The following TAF9B variants were observed in gnomAD, a reference collection of about 807,000 sequenced individuals.
The protein encoded by TAF9B is transcription initiation factor TFIID subunit 9B.
TAF9B carries 47 observed loss-of-function variants against 17.6 expected under a neutral mutation model. The ratio of observed to expected loss-of-function variants is 2.68; its 90% CI spans 2.12 to 3.41. TAF9B has a LOEUF of 3.41. Among genes scored for constraint, TAF9B ranks in the 30% most tolerant of loss-of-function variants. TAF9B has a pLI of 0.00. For synonymous variants in TAF9B, 84 were observed against 68.7 expected (o/e 1.22, Z -1.10); for missense variants, 218 against 189.3 (o/e 1.15, Z -0.89).
Position 78,131,738 on chromosome X carries a change from TA to T in TAF9B, c.627del (p.Asn210IlefsTer4), listed in dbSNP as rs782204144. On this transcript the variant is annotated frameshift_variant, in exon 7 of 7. Coordinates refer to ENST00000341864, the MANE Select transcript of TAF9B (RefSeq NM_015975.5). LOFTEE classifies it high-confidence loss of function. Reference protein sequence around the residue: ...PATTAVQNVLINPSMIGPKNI... With the variant: ...PATTAVQNVLXNPSMIGPKNI... ...TTTTTGGGCCCAATCATTGAAGGAT[TA>T]ATCAGAACATTTTGAACTGCAGTTG... The T allele has an allele frequency of 3.3e-6, 4 of 1,208,489 alleles. No homozygotes were observed. The African/African-American group carries it at 5.3e-5, about 16-fold the overall frequency.
In TAF9B at chrX:78,138,994, T is replaced by C. The variant is rs1239662233; in HGVS notation, c.52-70A>G. 8 of 824,471 alleles carry C rather than the reference T, an allele frequency of 9.7e-6. No individual in the cohort carries two copies. The African/African-American group carries it at 1.2e-4, about 13-fold the overall frequency. 67.9% of individuals were successfully genotyped at this position (824,471 alleles called of 1,213,427 possible). ...AAATCAAGGCTGCACTGAAGGGTAG[T>C]ATTTATATTTATGATACAAGGTTCC... On this transcript the variant is annotated intron_variant, in intron 1 of 6. Coordinates refer to ENST00000341864, the MANE Select transcript of TAF9B (RefSeq NM_015975.5).
At chrX:78,137,133 A>G (rs782393202) in intron 4 of TAF9B, 143 bp from the exon 5 acceptor site, 1 of 423,533 alleles carries the variant, frequency 2.4e-6, no homozygotes, top group South Asian at 4.2e-5. Context: ...TCTAAATCCA[A>G]CATTTAATCT....
In TAF9B at chrX:78,138,071, G is replaced by C. The variant is rs782643274; in HGVS notation, c.161C>G (p.Ala54Gly). 1.7e-6 allele frequency: 2 copies of C among 1,204,977 alleles called. No individual in the cohort carries two copies. Among genetic ancestry groups the C allele is most frequent in the Non-Finnish European group, 1.1e-6 (1 of 893,340 alleles). Residue 54 changes from alanine (A) to glycine (G), a missense_variant, in exon 3 of 7, where the codon GCA becomes GGA. Coordinates refer to ENST00000341864, the MANE Select transcript of TAF9B (RefSeq NM_015975.5). ...CTTAGCATGGCTCGAATAAATTTTTGCATCATCCAGAATTGTAGTCACATA... is the reference window on the plus strand; with the variant it reads ...CTTAGCATGGCTCGAATAAATTTTTCCATCATCCAGAATTGTAGTCACATA... The part of the protein sequence containing the change: ...FRYVTTILDD[A>G]KIYSSHAKKP...
At chrX:78,136,241 G>C (rs1260010632) in intron 5 of TAF9B, among the ~76,000 whole-genome samples, 1 of 111,689 alleles carries the variant, frequency 9.0e-6, no homozygotes, top group East Asian at 2.8e-4. Flanking sequence ...AACAAATAAT[G>C]GTTTCTAAAT....
Position 78,133,451 on chromosome X carries a change from G to A in TAF9B, c.482-3C>T, listed in dbSNP as rs201819956. ...GACAGACACCGTTTGTGGGGTTGCT[G>A]TAGTTACAATAAACAGACCATGTTT... On this transcript the variant is annotated splice_region_variant and splice_polypyrimidine_tract_variant and intron_variant, in intron 5 of 6. Coordinates refer to ENST00000341864, the MANE Select transcript of TAF9B (RefSeq NM_015975.5). 22 of 1,184,433 alleles carry A rather than the reference G, an allele frequency of 1.9e-5. No homozygotes were observed. In the African/African-American group the frequency reaches 3.5e-4, roughly 19 times the overall value.
rs1298535610 is a variant in TAF9B at position 78,131,729 on chromosome X, T to C, written c.637A>G (p.Met213Val). 3 of 1,211,033 alleles carry C rather than the reference T, an allele frequency of 2.5e-6. No individual in the cohort carries two copies. Among genetic ancestry groups the C allele is most frequent in the South Asian group, 1.8e-5 (1 of 56,919 alleles). Residue 213 changes from methionine (M) to valine (V), a missense_variant, in exon 7 of 7, where the codon ATG (methionine) becomes GTG (valine). By Grantham distance (21) the Met-to-Val change is conservative. Coordinates refer to ENST00000341864, the MANE Select transcript of TAF9B (RefSeq NM_015975.5). Reference sequence around the variant, plus strand: ...ATAAGAATATTTTTGGGCCCAATCATTGAAGGATTAATCAGAACATTTTGA... The same window carrying C: ...ATAAGAATATTTTTGGGCCCAATCACTGAAGGATTAATCAGAACATTTTGA... ...AVQNVLINPSMIGPKNILITT... is the reference protein window; with the variant it reads ...AVQNVLINPSVIGPKNILITT...
At position 78,138,925 on chromosome X, in the gene TAF9B, C is replaced by T. The variant is rs2078445389; in HGVS notation, c.52-1G>A. The stretch of plus-strand genomic sequence containing the variant: ...TATCCTTCAGGATCTGTGCCATCAC[C>T]TGTGGATTCAAATAAAAACACCAGA... On this transcript the variant is annotated splice_acceptor_variant, in intron 1 of 6. Coordinates refer to ENST00000341864, the MANE Select transcript of TAF9B (RefSeq NM_015975.5). LOFTEE classifies it high-confidence loss of function. 1.7e-6 allele frequency: 2 copies of T among 1,186,548 alleles called. No individual in the cohort carries two copies. The highest frequency in any genetic ancestry group is 2.3e-6 in the Non-Finnish European group (2 of 875,348).
intron 6 of TAF9B, among the ~76,000 whole-genome samples, chrX:78,132,897 C>T (rs1286734453): frequency 9.0e-6 from 1 of 110,601 alleles, no homozygotes; most frequent in Non-Finnish European, 1.9e-5. Context: ...CCCTTATCTG[C>T]AGTTTCAGCT....
chrX:78,133,993 T>A (rs1170956694), intron 5 of TAF9B, among the ~76,000 whole-genome samples: 1 of 111,152 alleles, frequency 9.0e-6, no homozygotes, highest in Non-Finnish European at 1.9e-5. Context: ...TCAGAAGATG[T>A]CATCTATGCC....
rs2078414269 is a variant in TAF9B, at chrX:78,131,765, T to C, written c.601A>G (p.Thr201Ala). 3 of 1,204,433 alleles carry C rather than the reference T, an allele frequency of 2.5e-6. No homozygotes were observed. Among genetic ancestry groups the C allele is most frequent in the Non-Finnish European group, 3.4e-6 (3 of 892,546 alleles). ...QSTPVKPVPA[T>A]TAVQNVLINP... is the part of the protein sequence containing the mutation. ...ATCAGAACATTTTGAACTGCAGTTG[T>C]TGCAGGAACTGTAAACAGAGAAGAA... The change falls in exon 7 of 7, where the codon ACA becomes GCA. Residue 201 changes from threonine (T) to alanine (A), a missense_variant. Physicochemically the swap from Thr to Ala is moderately conservative, Grantham distance 58 (BLOSUM62 0). Coordinates refer to ENST00000341864, the MANE Select transcript of TAF9B (RefSeq NM_015975.5).
At position 78,137,812 on chromosome X, in the gene TAF9B, T is replaced by C. The variant is rs950265503; in HGVS notation, c.342A>G (p.Arg114=). ...TTAAGCAGTATCTATCAGGTGGCAGTCTAGGTCCTGCATATGGCTTAATCA... is the reference window on the plus strand; with the variant it reads ...TTAAGCAGTATCTATCAGGTGGCAGCCTAGGTCCTGCATATGGCTTAATCA... ...LPLIKPYAGP[R]LPPDRYCLTA... The change falls in exon 4 of 7, where the codon AGA becomes AGG. Residue 114 remains arginine, a synonymous_variant. Coordinates refer to ENST00000341864, the MANE Select transcript of TAF9B (RefSeq NM_015975.5). 8.3e-7 allele frequency: 1 copy of C among 1,207,768 alleles called. No individual in the cohort carries two copies.
chrX:78,139,573 C>T lies in TAF9B; in HGVS notation c.39G>A (p.Pro13=). ...CCTTCGCACTTACCAAGGCATCTCT[C>T]GGAGCGTTCTTGGGAGGCGCCATCT... The part of the protein sequence containing the change: ...SGKMAPPKNA[P]RDALVMAQIL... The change falls in exon 1 of 7, where the codon CCG becomes CCA. Residue 13 remains proline (P), a synonymous_variant. Coordinates refer to ENST00000341864, the MANE Select transcript of TAF9B (RefSeq NM_015975.5). The T allele has an allele frequency of 8.2e-7, 1 of 1,212,145 alleles. No homozygotes were observed. The highest frequency in any genetic ancestry group is 1.1e-6 in the Non-Finnish European group (1 of 895,510).
rs149249913 is a variant in TAF9B at position 78,134,298 on chromosome X, G to T, written c.482-850C>A. Reference sequence around the variant, plus strand: ...TCTTATCTCATTGACTAGATTACAAGCCTTGACTAACATTTTTCATCCTTG... The same window carrying T: ...TCTTATCTCATTGACTAGATTACAATCCTTGACTAACATTTTTCATCCTTG... On this transcript the variant is annotated intron_variant, in intron 5 of 6. Coordinates refer to ENST00000341864, the MANE Select transcript of TAF9B (RefSeq NM_015975.5). Among the ~76,000 whole-genome samples the T allele has an allele frequency of 6.2e-3, 695 of 111,531 alleles. 7 individuals are homozygous for T. The highest frequency in any genetic ancestry group is 0.022 in the African/African-American group (668 of 30,666).
At position 78,139,629 on chromosome X, in the gene TAF9B, C is replaced by T. The variant is rs2078448775; in HGVS notation, c.-18G>A. On this transcript the variant is annotated 5_prime_UTR_variant, in exon 1 of 7. The change abolishes an upstream ATG in the 5' untranslated region. Transcript: ENST00000341864. ...GACTCCATGTTATCCAGCCACTCGT[C>T]ATCCGCGGAGACAGAGGAGAGAGGA... is the stretch of plus-strand genomic sequence containing the variant. 1 of 1,211,451 alleles carries T rather than the reference C, an allele frequency of 8.3e-7. No homozygotes were observed. Among genetic ancestry groups the T allele is most frequent in the Non-Finnish European group, 1.1e-6 (1 of 895,092 alleles).
chrX:78,133,268 A>G, intron 6 of TAF9B, 70 bp downstream of exon 6: 1 of 874,266 alleles, frequency 1.1e-6, no homozygotes, highest in South Asian at 2.1e-5. Flanking sequence ...ACCTCTTGCT[A>G]TAGGAATACA....
intron 4 of TAF9B, 109 bp downstream of exon 4, chrX:78,137,640 G>T: frequency 1.3e-6 from 1 of 748,895 alleles, no homozygotes; most frequent in Non-Finnish European, 1.8e-6. Context: ...ATTCTAGTAA[G>T]TTATCTTAAC....
In TAF9B at chrX:78,138,134, A is replaced by T. The variant is rs200232048; in HGVS notation, c.134-36T>A. The T allele has an allele frequency of 1.7e-4, 193 of 1,126,461 alleles. No homozygotes were observed. In the East Asian group the frequency reaches 5.8e-3, roughly 34 times the overall value. The allele number at this position is 1,126,461 out of a possible 1,213,427, so 92.8% of individuals were successfully genotyped here. A position where few individuals can be genotyped will look rare whatever the true frequency, so the allele number is the denominator to read the frequency against. On this transcript the variant is annotated intron_variant, in intron 2 of 6. Coordinates refer to ENST00000341864, the MANE Select transcript of TAF9B (RefSeq NM_015975.5). ...AAAACAATCTTTTCTTAAACATATG[A>T]AGACAGCTTAATATTTATGGCTACT...
chrX:78,129,995 C>T lies in TAF9B; in HGVS notation c.*1615G>A, dbSNP rs782329747. 6 of 111,868 alleles carry T rather than the reference C, an allele frequency of 5.4e-5. 1 individual carries two copies. The highest frequency in any genetic ancestry group is 7.5e-4 in the South Asian group (2 of 2,662). 9.2% of individuals were successfully genotyped at this position (111,868 alleles called of 1,213,427 possible). ...ACCTAGGCCTTCTGACTTGCTGCCT[C>T]CCTGAGAACATTCAAGTAATAATAT... On this transcript the variant is annotated 3_prime_UTR_variant, in exon 7 of 7. Coordinates refer to ENST00000341864, the MANE Select transcript of TAF9B (RefSeq NM_015975.5).
rs369090339 is a variant in TAF9B at position 78,131,718 on chromosome X, G to A, written c.648C>T (p.Pro216=). 6.6e-4 allele frequency: 792 copies of A among 1,207,910 alleles called. 1 individual carries two copies. The highest frequency in any genetic ancestry group is 8.4e-4 in the Non-Finnish European group (755 of 893,923). The change falls in exon 7 of 7, where the codon CCC becomes CCT. Residue 216 remains proline, a synonymous_variant. Coordinates refer to ENST00000341864, the MANE Select transcript of TAF9B (RefSeq NM_015975.5). The part of the protein sequence containing the change: ...NVLINPSMIG[P]KNILITTNMV... ...TGTTGGTGGTAATAAGAATATTTTTGGGCCCAATCATTGAAGGATTAATCA... is the reference window on the plus strand; with the variant it reads ...TGTTGGTGGTAATAAGAATATTTTTAGGCCCAATCATTGAAGGATTAATCA...
Sources: gnomAD v4.1 joint callset for allele counts (sites outside exome capture counted in the v4.1 genomes callset) on GRCh38, gnomAD v4.1.1 for gene constraint, MANE v1.5 for transcripts, NCBI Gene and HGNC (gene_info 2026-07-23, HGNC 2026-07-21) for gene names.